Variants in UBE2F observed in about 807,000 individuals in gnomAD.
UBE2F encodes ubiquitin conjugating enzyme E2 F (putative).
UBE2F carries 5 observed loss-of-function variants against 29.6 expected under a neutral mutation model. That is an observed-to-expected ratio of 0.17 (90% CI 0.09 to 0.36). The LOEUF is 0.36. Ranked by LOEUF, UBE2F falls within the 10% of genes least tolerant of loss-of-function variation. The pLI, the probability that UBE2F is intolerant of heterozygous loss-of-function variation, is 1.00. For synonymous variants in UBE2F, 66 were observed against 81.8 expected (o/e 0.81, Z 1.04); for missense variants, 141 against 228.5 (o/e 0.62, Z 2.47).
intron 2 of UBE2F, among the ~76,000 whole-genome samples, chr2:237,978,352 G>A (rs1047253231): frequency 6.6e-6 from 1 of 152,212 alleles, no homozygotes; most frequent in Admixed American, 6.5e-5. Flanking sequence ...CAGTAGGGCT[G>A]AGCTTATAGG....
chr2:238,025,465 G>A (rs978638695), intron 6 of UBE2F, 53 bp downstream of exon 6: 24 of 1,497,122 alleles, frequency 1.6e-5, no homozygotes, highest in South Asian at 8.2e-5. Flanking sequence ...ATGTGCAAGC[G>A]TTGGGCTTTT....
At chr2:237,972,867 T>TA (rs1198289341) in intron 1 of UBE2F, among the ~76,000 whole-genome samples, 1 of 152,162 alleles carries the variant, frequency 6.6e-6, no homozygotes, top group African/African-American at 2.4e-5. Flanking sequence ...CTCTCTTTTT[T>TA]AAAAAATGTT....
chr2:238,035,648 A>C, intron 8 of UBE2F: 3 of 489,758 alleles, frequency 6.1e-6, no homozygotes, highest in East Asian at 3.4e-5. Context: ...ACTACATGTC[A>C]ACATATCTCT....
chr2:238,010,441 G>A (rs955408786), intron 4 of UBE2F, among the ~76,000 whole-genome samples: 4 of 152,242 alleles, frequency 2.6e-5, no homozygotes, highest in African/African-American at 9.6e-5. Context: ...AAAGTGCTGG[G>A]ATTACAGGCG....
intron 4 of UBE2F, among the ~76,000 whole-genome samples, chr2:238,001,035 T>TC (rs2063782525): frequency 6.8e-6 from 1 of 146,562 alleles, no homozygotes; most frequent in Non-Finnish European, 1.5e-5. Context: ...AGTTTTGCCT[T>TC]TTTTTTTTTT....
At chr2:237,995,957 T>TC (rs1276605782) in intron 4 of UBE2F, among the ~76,000 whole-genome samples, 1 of 152,186 alleles carries the variant, frequency 6.6e-6, no homozygotes, top group Non-Finnish European at 1.5e-5. Context: ...TAGCTGTACT[T>TC]TATGCCAAAT....
chr2:238,032,935 A>G (rs2064618992), intron 8 of UBE2F, among the ~76,000 whole-genome samples: 1 of 152,202 alleles, frequency 6.6e-6, no homozygotes, highest in African/African-American at 2.4e-5. Context: ...CAGCAGTCTC[A>G]CTTCTGCCCT....
intron 8 of UBE2F, chr2:238,035,412 GT>G (rs1288621095): frequency 4.4e-5 from 8 of 182,600 alleles, no homozygotes; most frequent in Non-Finnish European, 1.1e-5. Context: ...CCTATTGGCT[GT>G]GCATGGGAGG....
At position 238,004,602 on chromosome 2, in the gene UBE2F, C is replaced by T. The variant is rs78263865; in HGVS notation, c.214+9793C>T. On this transcript the variant is annotated intron_variant, in intron 4 of 9. Coordinates refer to ENST00000272930, the MANE Select transcript of UBE2F (RefSeq NM_080678.3). The stretch of plus-strand genomic sequence containing the variant: ...GTTTTCTTTGTGGTAATGTGGTTGG[C>T]AGAATAATGGCCCTAAAAGATGTCT... 2.9e-4 allele frequency among the ~76,000 whole-genome samples: 44 copies of T among 152,094 alleles called. No individual in the cohort carries two copies. In the East Asian group the frequency reaches 7.9e-3, roughly 27 times the overall value.
intron 2 of UBE2F, among the ~76,000 whole-genome samples, chr2:237,974,524 T>G (rs2063238832): frequency 7.0e-6 from 1 of 143,444 alleles, no homozygotes; most frequent in Admixed American, 7.0e-5. Context: ...TGTTTTTTTT[T>G]TTTTTTTGAG....
At chr2:237,989,735 G>T (rs553597587) in intron 3 of UBE2F, among the ~76,000 whole-genome samples, 1 of 152,184 alleles carries the variant, frequency 6.6e-6, no homozygotes, top group Non-Finnish European at 1.5e-5. Context: ...GTGGATCTCA[G>T]TTGAAAGTGT....
At chr2:237,976,794 A>G (rs1489403723) in intron 2 of UBE2F, among the ~76,000 whole-genome samples, 3 of 152,158 alleles carry the variant, frequency 2.0e-5, no homozygotes, top group Non-Finnish European at 2.9e-5. Flanking sequence ...TAGGCACTTA[A>G]TGGGGTAATT....
At chr2:238,000,561 C>T (rs1220443157) in intron 4 of UBE2F, among the ~76,000 whole-genome samples, 1 of 152,190 alleles carries the variant, frequency 6.6e-6, no homozygotes, top group Non-Finnish European at 1.5e-5. Context: ...ACCCGTTGAC[C>T]AGTGGACGAA....
At chr2:237,974,501 GTT>G (rs370519965) in intron 2 of UBE2F, among the ~76,000 whole-genome samples, 44,481 of 108,014 alleles carry the variant, frequency 0.41, 10,845 homozygotes, top group Admixed American at 0.49. Context: ...AATTTTTGTG[GTT>G]TTTTTTTTTT....
intron 9 of UBE2F, among the ~76,000 whole-genome samples, chr2:238,036,698 C>T (rs1161609916): frequency 1.3e-5 from 2 of 152,156 alleles, no homozygotes; most frequent in Admixed American, 6.5e-5. Context: ...TGGTGGCACA[C>T]GCCTGTGGTC....
intron 2 of UBE2F, among the ~76,000 whole-genome samples, chr2:237,983,894 G>A (rs897988711): frequency 2.6e-5 from 4 of 151,900 alleles, no homozygotes; most frequent in Admixed American, 2.0e-4. Flanking sequence ...TTCCTTGGCC[G>A]TTGCTTTCTC....
chr2:238,037,943 G>A (rs1297523725), intron 9 of UBE2F, among the ~76,000 whole-genome samples: 2 of 152,116 alleles, frequency 1.3e-5, no homozygotes, highest in African/African-American at 4.8e-5. Context: ...TCTAGACATC[G>A]TGCTGAATGT....
intron 3 of UBE2F, among the ~76,000 whole-genome samples, chr2:237,991,182 C>T (rs1253268628): frequency 6.6e-6 from 1 of 152,138 alleles, no homozygotes; most frequent in Non-Finnish European, 1.5e-5. Context: ...CATTCTTTCT[C>T]CCTACCTTCT....
intron 6 of UBE2F, among the ~76,000 whole-genome samples, chr2:238,027,510 CAGAG>C (rs970151236): frequency 5.3e-5 from 8 of 152,162 alleles, no homozygotes; most frequent in African/African-American, 1.9e-4. Context: ...GAGTGTGTGA[CAGAG>C]AGCGAGCAGG....
Sources: allele counts gnomAD v4.1 joint callset (sites outside exome capture counted in the v4.1 genomes callset), GRCh38; gene constraint gnomAD v4.1.1; transcripts MANE v1.5; gene names NCBI Gene and HGNC (gene_info 2026-07-23, HGNC 2026-07-21).